RCL1: variants seen among roughly 807,000 people sequenced by gnomAD.
The protein encoded by RCL1 is RNA 3'-terminal phosphate cyclase-like protein.
RCL1 carries 24 observed loss-of-function variants against 42.4 expected under a neutral mutation model. The ratio of observed to expected loss-of-function variants is 0.57; its 90% CI spans 0.41 to 0.80. The LOEUF (loss-of-function observed/expected upper bound fraction) is 0.80, where lower values mean the gene tolerates loss of function less well. Among genes scored for constraint, RCL1 ranks in the 30% least tolerant of loss-of-function variants. RCL1 has a pLI of 0.00. For synonymous variants in RCL1, 228 were observed against 177.3 expected, an observed-to-expected ratio of 1.29 and a Z score of -2.27; for missense variants, 578 against 467.9, an observed-to-expected ratio of 1.24 and a Z score of -2.17.
At chr9:4,842,363 G>A (rs1817361314) in intron 6 of RCL1, among the ~76,000 whole-genome samples, 1 of 152,156 alleles carries the variant, frequency 6.6e-6, no homozygotes, top group Non-Finnish European at 1.5e-5. Context: ...GGAGGGGGGT[G>A]AGTGTTTTAT....
At chr9:4,855,524 A>T (rs1817925100) in intron 8 of RCL1, among the ~76,000 whole-genome samples, 1 of 152,124 alleles carries the variant, frequency 6.6e-6, no homozygotes, top group Admixed American at 6.5e-5. Context: ...CAGGACGTGG[A>T]TCAGCACTGG....
intron 1 of RCL1, among the ~76,000 whole-genome samples, chr9:4,820,290 G>T (rs190370751): frequency 6.6e-6 from 1 of 152,132 alleles, no homozygotes; most frequent in African/African-American, 2.4e-5. Context: ...AGTAAAGTTT[G>T]GGGACTTTGA....
chr9:4,857,782 GTA>G (rs1818012730), intron 8 of RCL1, among the ~76,000 whole-genome samples: 1 of 151,978 alleles, frequency 6.6e-6, no homozygotes, highest in African/African-American at 2.4e-5. Context: ...TTTTGTTATT[GTA>G]TGTCTTTTTA....
At chr9:4,818,877 A>T (rs1036030425) in intron 1 of RCL1, among the ~76,000 whole-genome samples, 51 of 151,792 alleles carry the variant, frequency 3.4e-4, no homozygotes, top group Non-Finnish European at 6.2e-4. Context: ...GTCTCAAAAA[A>T]AAAAAAAAAA....
At chr9:4,813,538 A>G (rs538499159) in intron 1 of RCL1, among the ~76,000 whole-genome samples, 7 of 152,358 alleles carry the variant, frequency 4.6e-5, no homozygotes, top group Admixed American at 1.3e-4. Flanking sequence ...TCAGGAAACA[A>G]CAGGTGCTGA....
intron 1 of RCL1, among the ~76,000 whole-genome samples, chr9:4,822,492 T>G (rs953488084): frequency 1.7e-4 from 26 of 152,216 alleles, no homozygotes; most frequent in African/African-American, 5.3e-4. Flanking sequence ...CCCTTCTTTT[T>G]TCCTCTCCCC....
chr9:4,795,334 T>G (rs1024302564), intron 1 of RCL1, among the ~76,000 whole-genome samples: 1 of 152,146 alleles, frequency 6.6e-6, no homozygotes, highest in East Asian at 1.9e-4. Flanking sequence ...CCGCCTGCCT[T>G]GGCCTCCCAG....
At chr9:4,799,106 C>A (rs1480819577) in intron 1 of RCL1, among the ~76,000 whole-genome samples, 1 of 117,008 alleles carries the variant, frequency 8.5e-6, no homozygotes, top group Non-Finnish European at 1.7e-5. Context: ...CCTCTCCTTC[C>A]TCTTTTTCTC....
At chr9:4,844,853 C>T (rs897186084) in intron 7 of RCL1, among the ~76,000 whole-genome samples, 172 bp downstream of exon 7, 6 of 152,180 alleles carry the variant, frequency 3.9e-5, no homozygotes, top group Admixed American at 3.9e-4. Flanking sequence ...CTCAACCAGT[C>T]AGTGAGTAGA....
chr9:4,860,173 A>G lies in RCL1; in HGVS notation c.1020A>G (p.Lys340=). The change falls in exon 9 of 9, where the codon AAA becomes AAG. Residue 340 remains lysine (K), a synonymous_variant. Transcript: ENST00000381750. ...AGAGCTTTTTCCAGATTATGTTTAA[A>G]ATTGAAACCAAGCCATGTGGTGAAG... ...HLKSFFQIMF[K]IETKPCGEEL... 6.2e-7 allele frequency: 1 copy of G among 1,610,184 alleles called. No homozygotes were observed. The highest frequency in any genetic ancestry group is 8.5e-7 in the Non-Finnish European group (1 of 1,178,356).
At chr9:4,854,644 G>T (rs1817871016) in intron 8 of RCL1, among the ~76,000 whole-genome samples, 1 of 152,148 alleles carries the variant, frequency 6.6e-6, no homozygotes, top group Non-Finnish European at 1.5e-5. Flanking sequence ...TGTGTTTAAG[G>T]GTGGGATCTG....
In RCL1 at chr9:4,823,544, A is replaced by G. The variant is rs1173112202; in HGVS notation, c.137-4A>G. Reference sequence around the variant, plus strand: ...TTTTCTTCACAGATTTTTTTTCTTCACAGATTTTGAAGCCAGCTTCATAAG... The same window carrying G: ...TTTTCTTCACAGATTTTTTTTCTTCGCAGATTTTGAAGCCAGCTTCATAAG... On this transcript the variant is annotated splice_region_variant and splice_polypyrimidine_tract_variant and intron_variant, in intron 1 of 8. Transcript: ENST00000381750. 3.1e-6 allele frequency: 5 copies of G among 1,606,834 alleles called. No homozygotes were observed. The highest frequency in any genetic ancestry group is 1.7e-4 in the Middle Eastern group (1 of 6,028).
chr9:4,812,127 C>G (rs977399066), intron 1 of RCL1, among the ~76,000 whole-genome samples: 1 of 151,940 alleles, frequency 6.6e-6, no homozygotes, highest in Admixed American at 6.6e-5. Flanking sequence ...TTGTATTTTT[C>G]TTTCATAGCT....
rs957399238 is a variant in RCL1 at position 4,833,066 on chromosome 9, C to T, written c.385-88C>T. 3.5e-6 allele frequency: 3 copies of T among 851,088 alleles called. No individual in the cohort carries two copies. The African/African-American group carries it at 5.0e-5, about 14-fold the overall frequency. The allele number at this position is 851,088 out of a possible 1,614,324, so 52.7% of individuals were successfully genotyped here. On this transcript the variant is annotated intron_variant, in intron 3 of 8. Transcript: ENST00000381750. The stretch of plus-strand genomic sequence containing the variant: ...CTGTTTACCACACTGCATCATCTAC[C>T]TGGTTGCTAAGCCTTACTTGTTTTT...
rs78569716 is a variant in RCL1 at position 4,799,120 on chromosome 9, C to T, written c.136+5893C>T. On this transcript the variant is annotated intron_variant, in intron 1 of 8. Transcript: ENST00000381750. The stretch of plus-strand genomic sequence containing the variant: ...TCCTCTCCTTCCTCTTTTTCTCCCT[C>T]CCTTCCTTCCTCTCTTTCTCTTTTC... Among the ~76,000 whole-genome samples the T allele has an allele frequency of 1.8e-4, 21 of 117,070 alleles. 1 individual carries two copies. Among genetic ancestry groups the T allele is most frequent in the South Asian group, 3.2e-4 (1 of 3,112 alleles). The allele number at this position is 117,070 out of a possible 152,430, so 76.8% of individuals were successfully genotyped here.
chr9:4,843,374 T>A (rs1190324297), intron 6 of RCL1, among the ~76,000 whole-genome samples: 2 of 142,550 alleles, frequency 1.4e-5, no homozygotes, highest in Non-Finnish European at 3.1e-5. Context: ...ACTCTCACAG[T>A]AATTTTTTTT....
At chr9:4,851,374 T>A (rs1014982893) in intron 8 of RCL1, among the ~76,000 whole-genome samples, 2 of 152,224 alleles carry the variant, frequency 1.3e-5, no homozygotes, top group African/African-American at 4.8e-5. Context: ...AAGCCTCCGT[T>A]CTTTTTGGTA....
chr9:4,807,744 C>T (rs1260299702), intron 1 of RCL1, among the ~76,000 whole-genome samples: 1 of 152,154 alleles, frequency 6.6e-6, no homozygotes, highest in East Asian at 1.9e-4. Flanking sequence ...GCCTCAAACT[C>T]CTGACCTCAG....
At position 4,839,140 on chromosome 9, in the gene RCL1, C is replaced by T. The variant is rs375631699; in HGVS notation, c.585-2092C>T. On this transcript the variant is annotated intron_variant, in intron 5 of 8. Coordinates refer to ENST00000381750, the MANE Select transcript of RCL1 (RefSeq NM_005772.5). ...GTTAGCCATTCCTTAGTAGGACATC[C>T]ATGCCAAGCCAGATGGTTCTAAGCA... 7.2e-5 allele frequency among the ~76,000 whole-genome samples: 11 copies of T among 152,182 alleles called. No individual in the cohort carries two copies. The East Asian group carries it at 1.9e-3, about 27-fold the overall frequency.
Sources: gnomAD v4.1 joint callset for allele counts (sites outside exome capture counted in the v4.1 genomes callset) on GRCh38, gnomAD v4.1.1 for gene constraint, MANE v1.5 for transcripts, NCBI Gene and HGNC (gene_info 2026-07-23, HGNC 2026-07-21) for gene names.